CCDC73: variants seen among roughly 807,000 people sequenced by gnomAD.
CCDC73 encodes coiled-coil domain-containing protein 73.
CCDC73 carries 95 observed loss-of-function variants against 116.5 expected under a neutral mutation model. That is an observed-to-expected ratio of 0.82 (90% confidence interval 0.69 to 0.97). The LOEUF (loss-of-function observed/expected upper bound fraction) is 0.97. Ranked by LOEUF, CCDC73 falls within the 50% of genes least tolerant of loss-of-function variation. The probability of loss-of-function intolerance (pLI) is 0.00; values close to 1 mark genes in which losing one functional copy is unlikely to be tolerated. For missense variants in CCDC73, 1,066 were observed against 1,206.8 expected (o/e 0.88, Z 1.73); for synonymous variants, 398 against 401.3 (o/e 0.99, Z 0.10).
chr11:32,674,939 C>G (rs1432368921), intron 9 of CCDC73, among the ~76,000 whole-genome samples: 1 of 152,142 alleles, frequency 6.6e-6, no homozygotes. Context: ...CCAGCCATAT[C>G]AGACTTTTTT....
intron 3 of CCDC73, among the ~76,000 whole-genome samples, chr11:32,705,268 G>A (rs969409531): frequency 6.6e-6 from 1 of 152,200 alleles, no homozygotes. Context: ...AGAAGAGCTG[G>A]AGCCCTTCTG....
At chr11:32,725,733 T>C (rs1850025110) in intron 2 of CCDC73, among the ~76,000 whole-genome samples, 1 of 152,184 alleles carries the variant, frequency 6.6e-6, no homozygotes, top group East Asian at 1.9e-4. Context: ...ATTTCTACAA[T>C]TTCATGATCC....
chr11:32,630,788 CA>C (rs143943476), intron 14 of CCDC73, among the ~76,000 whole-genome samples: 2 of 150,606 alleles, frequency 1.3e-5, no homozygotes, highest in Non-Finnish European at 3.0e-5. Flanking sequence ...CAACAGTTCT[CA>C]AAAAAAAGAG....
intron 6 of CCDC73, among the ~76,000 whole-genome samples, chr11:32,698,453 T>G (rs1414751998): frequency 6.6e-6 from 1 of 152,242 alleles, no homozygotes; most frequent in African/African-American, 2.4e-5. Flanking sequence ...TAGGTGAAGT[T>G]CGGTCCTCCT....
intron 14 of CCDC73, among the ~76,000 whole-genome samples, chr11:32,630,188 T>C (rs575887955): frequency 4.6e-5 from 7 of 152,104 alleles, no homozygotes; most frequent in Admixed American, 2.6e-4. Context: ...AAAATGATAA[T>C]GTAGTATTGC....
the CCDC73 span, among the ~76,000 whole-genome samples, chr11:32,800,291 T>A: frequency 6.6e-6 from 1 of 152,040 alleles, no homozygotes; most frequent in East Asian, 1.9e-4. Flanking sequence ...TATTTATTTA[T>A]TTTATTTAAC....
At chr11:32,780,094 T>A (rs10742287) in intron 1 of CCDC73, among the ~76,000 whole-genome samples, 1 of 151,730 alleles carries the variant, frequency 6.6e-6, no homozygotes, top group African/African-American at 2.4e-5. Flanking sequence ...GTCAACATGG[T>A]GAAACCCCAT....
Position 32,667,453 on chromosome 11 carries a change from C to T in CCDC73, c.645+8112G>A, listed in dbSNP as rs147631628. On this transcript the variant is annotated intron_variant, in intron 9 of 17. Coordinates refer to ENST00000335185, the MANE Select transcript of CCDC73 (RefSeq NM_001008391.4). ...GAGCAATGCTCCGTGGGTGTGGCAC[C>T]GTCCAAGCCAGGCACAGGATATAAT... Among the ~76,000 whole-genome samples, 1,088 of 152,318 alleles carry T rather than the reference C, an allele frequency of 7.1e-3. 15 individuals carry two copies. The highest frequency in any genetic ancestry group is 0.025 in the African/African-American group (1,048 of 41,558).
chr11:32,667,487 G>A (rs1052630037), intron 9 of CCDC73, among the ~76,000 whole-genome samples: 5 of 152,218 alleles, frequency 3.3e-5, no homozygotes, highest in Admixed American at 1.3e-4. Flanking sequence ...ATCTCCTGGT[G>A]TGCCATTTGC....
intron 12 of CCDC73, among the ~76,000 whole-genome samples, chr11:32,643,027 T>C (rs1855747312): frequency 6.6e-6 from 1 of 151,808 alleles, no homozygotes; most frequent in African/African-American, 2.4e-5. Context: ...TATCATACAC[T>C]GTTCTGTCAT....
At chr11:32,753,705 A>C (rs1850307998) in intron 2 of CCDC73, among the ~76,000 whole-genome samples, 1 of 152,098 alleles carries the variant, frequency 6.6e-6, no homozygotes, top group Non-Finnish European at 1.5e-5. Flanking sequence ...ACCTCAAGTG[A>C]TTAGCCCACC....
At chr11:32,776,501 T>C (rs1850533427) in intron 1 of CCDC73, among the ~76,000 whole-genome samples, 1 of 152,162 alleles carries the variant, frequency 6.6e-6, no homozygotes, top group East Asian at 1.9e-4. Flanking sequence ...TACTGTCTCC[T>C]ACTAATCCGT....
intron 14 of CCDC73, among the ~76,000 whole-genome samples, chr11:32,633,504 T>C (rs1003587686): frequency 6.6e-6 from 1 of 152,132 alleles, no homozygotes; most frequent in Non-Finnish European, 1.5e-5. Flanking sequence ...ACTCAATATA[T>C]ACCCATACAC....
At chr11:32,622,801 A>T (rs1329781869) in intron 14 of CCDC73, among the ~76,000 whole-genome samples, 1 of 151,970 alleles carries the variant, frequency 6.6e-6, no homozygotes, top group East Asian at 1.9e-4. Flanking sequence ...TAATGGTATA[A>T]CTATTATAAT....
At chr11:32,680,510 G>GA (rs1480101028) in intron 7 of CCDC73, 7 of 151,968 alleles carry the variant, frequency 4.6e-5, no homozygotes, top group Non-Finnish European at 2.9e-5. Context: ...AAGATTAGCG[G>GA]AAAAATAGCA....
chr11:32,681,332 A>G (rs1295922701), intron 7 of CCDC73: 5 of 152,028 alleles, frequency 3.3e-5, no homozygotes, highest in African/African-American at 7.2e-5. Context: ...ATTTGTATCA[A>G]TGACCAGATC....
At chr11:32,781,477 T>C (rs192526481) in intron 1 of CCDC73, among the ~76,000 whole-genome samples, 248 of 152,304 alleles carry the variant, frequency 1.6e-3, no homozygotes, top group African/African-American at 5.7e-3. Context: ...CAACAGAGTC[T>C]GCTGATACCA....
intron 1 of CCDC73, among the ~76,000 whole-genome samples, chr11:32,765,725 C>T (rs12574799): frequency 0.16 from 23,802 of 152,140 alleles, 1,986 homozygotes; most frequent in South Asian, 0.27. Context: ...AGAGCAAATG[C>T]ATTCAAAAGC....
At chr11:32,720,891 A>G (rs950577982) in intron 2 of CCDC73, among the ~76,000 whole-genome samples, 6 of 152,218 alleles carry the variant, frequency 3.9e-5, no homozygotes, top group African/African-American at 1.2e-4. Context: ...GGTTTCAATT[A>G]TACAGGTGTA....
Sources: gnomAD v4.1 joint callset for allele counts (sites outside exome capture counted in the v4.1 genomes callset) on GRCh38, gnomAD v4.1.1 for gene constraint, MANE v1.5 for transcripts, NCBI Gene and HGNC (gene_info 2026-07-23, HGNC 2026-07-21) for gene names.